The following PLEKHA7 variants were observed in gnomAD, a reference collection of about 807,000 sequenced individuals.
PLEKHA7 encodes the protein pleckstrin homology domain-containing family A member 7.
A neutral mutation model predicts 170.0 loss-of-function variants in PLEKHA7; 104 were observed. The observed-to-expected ratio is 0.61, with a 90% CI of 0.52 to 0.72. The LOEUF (loss-of-function observed/expected upper bound fraction) is 0.72, where lower values mean the gene tolerates loss of function less well. Ranked by LOEUF, PLEKHA7 falls within the 30% of genes least tolerant of loss-of-function variation. The pLI, the probability that PLEKHA7 is intolerant of heterozygous loss-of-function variation, is 0.00. For missense variants in PLEKHA7, 1,615 were observed against 1,671.7 expected (o/e 0.97, Z 0.59); for synonymous variants, 648 against 660.8 (o/e 0.98, Z 0.30).
At chr11:16,900,498 T>C (rs941948671) in intron 3 of PLEKHA7, among the ~76,000 whole-genome samples, 1 of 152,218 alleles carries the variant, frequency 6.6e-6, no homozygotes, top group Non-Finnish European at 1.5e-5. Flanking sequence ...ACAAATGACC[T>C]ACAGCATAGA....
At chr11:16,965,777 A>G (rs1422909623) in intron 3 of PLEKHA7, among the ~76,000 whole-genome samples, 1 of 152,248 alleles carries the variant, frequency 6.6e-6, no homozygotes, top group African/African-American at 2.4e-5. Context: ...TGAAATGGCA[A>G]CAAAATACTA....
intron 7 of PLEKHA7, 148 bp from the exon 8 acceptor site, chr11:16,851,439 A>C: frequency 4.3e-6 from 2 of 465,574 alleles, no homozygotes; most frequent in Non-Finnish European, 7.6e-6. Flanking sequence ...AGCTCTACCC[A>C]TTCTTTTTAT....
intron 4 of PLEKHA7, among the ~76,000 whole-genome samples, chr11:16,858,608 T>A (rs1046392465): frequency 1.3e-5 from 2 of 151,846 alleles, no homozygotes; most frequent in African/African-American, 4.8e-5. Flanking sequence ...TGCTCCTGCC[T>A]CAGCCTACCG....
chr11:16,931,115 A>G (rs1228885666), intron 3 of PLEKHA7, among the ~76,000 whole-genome samples: 1 of 152,258 alleles, frequency 6.6e-6, no homozygotes, highest in African/African-American at 2.4e-5. Flanking sequence ...TTTTAAAATC[A>G]AAGAACAAAA....
rs1848612716 is a variant in PLEKHA7, at chr11:16,801,785, G to A, written c.2190C>T (p.His730=). The A allele has an allele frequency of 6.2e-7, 1 of 1,614,136 alleles. No homozygotes were observed. The highest frequency in any genetic ancestry group is 1.1e-5 in the South Asian group (1 of 91,080). ...DQLESVLEVL[H]RQMEQYRDQP... is the part of the protein sequence containing the mutation. ...GGTCTCGGTACTGCTCCATCTGTCTGTGCAACACCTCCAGCACAGATTCTA... is the reference window on the plus strand; with the variant it reads ...GGTCTCGGTACTGCTCCATCTGTCTATGCAACACCTCCAGCACAGATTCTA... Residue 730 remains histidine (H), a synonymous_variant, in exon 16 of 27, where the codon CAC becomes CAT. Coordinates refer to ENST00000531066, the MANE Select transcript of PLEKHA7 (RefSeq NM_001329630.2).
At chr11:17,002,780 A>G (rs1490905065) in intron 3 of PLEKHA7, among the ~76,000 whole-genome samples, 1 of 152,162 alleles carries the variant, frequency 6.6e-6, no homozygotes, top group Non-Finnish European at 1.5e-5. Context: ...ACATCTGTGC[A>G]GACTTCTAAC....
intron 8 of PLEKHA7, 33 bp from the exon 9 acceptor site, chr11:16,841,755 G>GAGGTTAT: frequency 6.2e-7 from 1 of 1,603,204 alleles, no homozygotes; most frequent in Non-Finnish European, 8.5e-7. Flanking sequence ...AGGTCAGAGG[G>GAGGTTAT]AGGTTATCAC....
chr11:16,877,644 A>C (rs1252432189), intron 3 of PLEKHA7, among the ~76,000 whole-genome samples: 1 of 152,214 alleles, frequency 6.6e-6, no homozygotes, highest in Admixed American at 6.5e-5. Context: ...TTCCTGTGAC[A>C]GGCCCTTCTT....
chr11:16,812,993 G>T, intron 13 of PLEKHA7, 120 bp downstream of exon 13: 1 of 731,666 alleles, frequency 1.4e-6, no homozygotes, highest in Non-Finnish European at 2.3e-6. Flanking sequence ...GAGACATATT[G>T]ATTTAGAATT....
chr11:16,882,232 C>T (rs1298287321), intron 3 of PLEKHA7, among the ~76,000 whole-genome samples: 1 of 152,186 alleles, frequency 6.6e-6, no homozygotes, highest in Non-Finnish European at 1.5e-5. Flanking sequence ...TACTAAAACT[C>T]GTATCCATCT....
rs746952664 is a variant in PLEKHA7, at chr11:16,791,098, C to A, written c.2847G>T (p.Arg949=). The A allele has an allele frequency of 1.1e-5, 18 of 1,614,046 alleles. No individual in the cohort carries two copies. The highest frequency in any genetic ancestry group is 1.5e-5 in the Non-Finnish European group (18 of 1,180,050). The part of the protein sequence containing the change: ...PPLPREATII[R]HTSVRGLKRQ... The stretch of plus-strand genomic sequence containing the variant: ...GCTTGAGGCCCCGCACAGATGTGTG[C>A]CGGATGATGGTGGCCTCTCTTGGCA... Residue 949 remains arginine (R), a synonymous_variant, in exon 20 of 27, where the codon CGG becomes CGT. Coordinates refer to ENST00000531066, the MANE Select transcript of PLEKHA7 (RefSeq NM_001329630.2). The surrounding 1 kb of genome is among the most constrained non-coding windows in gnomAD (Gnocchi z 4.5).
intron 26 of PLEKHA7, chr11:16,780,840 G>T (rs527600243): frequency 7.3e-6 from 2 of 272,222 alleles, no homozygotes; most frequent in African/African-American, 2.3e-5. Flanking sequence ...GGAGGCATCA[G>T]CAGGTGGCAC....
chr11:16,935,568 G>A (rs1206126004), intron 3 of PLEKHA7, among the ~76,000 whole-genome samples: 1 of 152,158 alleles, frequency 6.6e-6, no homozygotes, highest in African/African-American at 2.4e-5. Context: ...ACACAACTTT[G>A]GAGACATAAA....
Position 16,924,379 on chromosome 11 carries a change from G to C in PLEKHA7, c.222-53197C>G, listed in dbSNP as rs74580997. Among the ~76,000 whole-genome samples, 1,202 of 152,282 alleles carry C rather than the reference G, an allele frequency of 7.9e-3. 17 individuals are homozygous for C. The highest frequency in any genetic ancestry group is 0.027 in the African/African-American group (1,121 of 41,568). ...ACACCCGAGGGCACTGGCGGAGCAC[G>C]CAAGGAGGTTTTCAGGCACCATGGC... On this transcript the variant is annotated intron_variant, in intron 3 of 26. Coordinates refer to ENST00000531066, the MANE Select transcript of PLEKHA7 (RefSeq NM_001329630.2).
chr11:16,996,485 C>A (rs1864345798), intron 3 of PLEKHA7, among the ~76,000 whole-genome samples: 1 of 152,196 alleles, frequency 6.6e-6, no homozygotes, highest in Non-Finnish European at 1.5e-5. Flanking sequence ...CTTGGGAATA[C>A]AGGCCTGAGG....
chr11:16,940,831 A>ATTT (rs1860649137), intron 3 of PLEKHA7, among the ~76,000 whole-genome samples: 1 of 152,082 alleles, frequency 6.6e-6, no homozygotes, highest in South Asian at 2.1e-4. Flanking sequence ...GGAGCCCTGA[A>ATTT]TTAAAGCTGC....
At chr11:16,890,616 T>C (rs1056515457) in intron 3 of PLEKHA7, among the ~76,000 whole-genome samples, 9 of 152,224 alleles carry the variant, frequency 5.9e-5, no homozygotes, top group African/African-American at 1.7e-4. Context: ...TTAAGAGTTG[T>C]AGGACTGAAA....
At chr11:16,893,116 A>G (rs554327692) in intron 3 of PLEKHA7, among the ~76,000 whole-genome samples, 172 of 152,300 alleles carry the variant, frequency 1.1e-3, no homozygotes, top group African/African-American at 4.0e-3. Flanking sequence ...TAATATTTGC[A>G]TGTATTATCT....
At chr11:16,964,608 C>T (rs1481695341) in intron 3 of PLEKHA7, among the ~76,000 whole-genome samples, 1 of 152,204 alleles carries the variant, frequency 6.6e-6, no homozygotes, top group Non-Finnish European at 1.5e-5. Flanking sequence ...GAGTGTTTCA[C>T]TCTGGGATTC....
Sources: allele counts gnomAD v4.1 joint callset (sites outside exome capture counted in the v4.1 genomes callset), GRCh38; gene constraint gnomAD v4.1.1; non-coding constraint Gnocchi (gnomAD v3.1); transcripts MANE v1.5; gene names NCBI Gene and HGNC (gene_info 2026-07-23, HGNC 2026-07-21).